The following ANKRD33B variants were observed in gnomAD, a reference collection of about 807,000 sequenced individuals.
ANKRD33B encodes the protein ankyrin repeat domain-containing protein 33B.
A neutral mutation model predicts 21.5 loss-of-function variants in ANKRD33B; 6 were observed. The observed-to-expected ratio is 0.28, with a 90% confidence interval of 0.15 to 0.55. The LOEUF (loss-of-function observed/expected upper bound fraction) is 0.55, where lower values mean the gene tolerates loss of function less well. Ranked by LOEUF, ANKRD33B falls within the 20% of genes least tolerant of loss-of-function variation. The pLI is 0.94. For missense variants in ANKRD33B, 698 were observed against 747.2 expected (o/e 0.93, Z 0.77); for synonymous variants, 347 against 342.4 (o/e 1.01, Z -0.15).
intron 1 of ANKRD33B, among the ~76,000 whole-genome samples, chr5:10,574,869 C>CGGATCATG (rs1735283011): frequency 2.2e-5 from 1 of 46,510 alleles, no homozygotes; most frequent in Non-Finnish European, 5.1e-5. Context: ...TGCTTAAGGC[C>CGGATCATG]AGGTGCTCAA....
At chr5:10,641,885 T>C (rs1358043581) in intron 3 of ANKRD33B, among the ~76,000 whole-genome samples, 1 of 152,182 alleles carries the variant, frequency 6.6e-6, no homozygotes, top group East Asian at 1.9e-4. Context: ...AAAAACGAGA[T>C]ATCAGTTTCA....
intron 3 of ANKRD33B, among the ~76,000 whole-genome samples, chr5:10,638,890 ACGTGGAGTTGTGTGGTAATGTTAGCG>A (rs1266855227): frequency 0.057 from 8,304 of 146,092 alleles, 1,955 homozygotes; most frequent in Non-Finnish European, 0.086. Flanking sequence ...TTAGCGGGTG[ACGTGGAGTTGTGTGGTAATGTTAGCG>A]GGTGACGCGG....
At chr5:10,628,461 C>T (rs1736631442) in intron 2 of ANKRD33B, among the ~76,000 whole-genome samples, 2 of 151,984 alleles carry the variant, frequency 1.3e-5, no homozygotes, top group Non-Finnish European at 2.9e-5. Flanking sequence ...GGATTACAGG[C>T]GTGAACCATT....
chr5:10,595,017 T>C (rs1735788589), intron 1 of ANKRD33B, among the ~76,000 whole-genome samples: 1 of 152,138 alleles, frequency 6.6e-6, no homozygotes, highest in Non-Finnish European at 1.5e-5. Context: ...CTATGGCAAG[T>C]AACTCAAGAG....
intron 1 of ANKRD33B, among the ~76,000 whole-genome samples, chr5:10,609,207 A>G (rs114384384): frequency 1.2e-3 from 187 of 152,350 alleles, no homozygotes; most frequent in Non-Finnish European, 2.1e-3. Flanking sequence ...AGTTAAATAC[A>G]ATATATTTAT....
At chr5:10,570,598 C>G (rs547321114) in intron 1 of ANKRD33B, among the ~76,000 whole-genome samples, 58 of 152,164 alleles carry the variant, frequency 3.8e-4, no homozygotes, top group Non-Finnish European at 7.6e-4. Flanking sequence ...CACTCTGTTG[C>G]CCAGGCTGGA....
intron 1 of ANKRD33B, among the ~76,000 whole-genome samples, chr5:10,592,450 TAAAAAAA>T (rs35660672): frequency 1.4e-5 from 1 of 69,112 alleles, no homozygotes; most frequent in African/African-American, 6.2e-5. Context: ...CCATCTCTAC[TAAAAAAA>T]AAAAAAAAAA....
At chr5:10,609,095 T>C (rs1051223935) in intron 1 of ANKRD33B, among the ~76,000 whole-genome samples, 1 of 152,238 alleles carries the variant, frequency 6.6e-6, no homozygotes, top group Admixed American at 6.5e-5. Flanking sequence ...AGGTGTGCCG[T>C]AAGTGTAAAA....
intron 2 of ANKRD33B, among the ~76,000 whole-genome samples, chr5:10,632,227 C>T (rs1377269875): frequency 1.3e-5 from 2 of 152,028 alleles, no homozygotes; most frequent in Non-Finnish European, 2.9e-5. Flanking sequence ...GACTTCCCTT[C>T]TGGTGGTTTC....
At chr5:10,605,520 T>G (rs1560971319) in intron 1 of ANKRD33B, among the ~76,000 whole-genome samples, 1 of 149,256 alleles carries the variant, frequency 6.7e-6, no homozygotes, top group Non-Finnish European at 1.5e-5. Context: ...TTTCTTTCTT[T>G]CCTTTTCTTC....
At chr5:10,620,569 T>C (rs2126584328) in intron 2 of ANKRD33B, among the ~76,000 whole-genome samples, 1 of 152,308 alleles carries the variant, frequency 6.6e-6, no homozygotes, top group Non-Finnish European at 1.5e-5. Flanking sequence ...CTGCCAGAGC[T>C]CTTTGTGCGT....
intron 3 of ANKRD33B, among the ~76,000 whole-genome samples, chr5:10,643,774 C>G (rs905907260): frequency 7.3e-6 from 1 of 137,698 alleles, no homozygotes; most frequent in Admixed American, 8.3e-5. Context: ...GAGCCGATAT[C>G]ATGCCACTGT....
At chr5:10,568,483 C>T (rs1735106689) in intron 1 of ANKRD33B, among the ~76,000 whole-genome samples, 1 of 152,238 alleles carries the variant, frequency 6.6e-6, no homozygotes, top group Admixed American at 6.5e-5. Flanking sequence ...GGCCCAAATA[C>T]ATGCTCAATT....
At chr5:10,643,646 C>T (rs1303246802) in intron 3 of ANKRD33B, among the ~76,000 whole-genome samples, 6 of 151,632 alleles carry the variant, frequency 4.0e-5, no homozygotes, top group Non-Finnish European at 7.4e-5. Flanking sequence ...TGAAATCCCG[C>T]CTCTACTGAA....
At chr5:10,572,886 C>T (rs1735229194) in intron 1 of ANKRD33B, among the ~76,000 whole-genome samples, 1 of 152,190 alleles carries the variant, frequency 6.6e-6, no homozygotes, top group Non-Finnish European at 1.5e-5. Context: ...ATCCCAGAAA[C>T]AGAGGCCAGA....
chr5:10,605,459 T>C (rs10055045), intron 1 of ANKRD33B, among the ~76,000 whole-genome samples: 61,413 of 151,898 alleles, frequency 0.4, 12,774 homozygotes, highest in Admixed American at 0.54. Context: ...GGACAGGGTC[T>C]GTGTTTTTGC....
chr5:10,625,575 A>G (rs1736527018), intron 2 of ANKRD33B, among the ~76,000 whole-genome samples: 1 of 152,244 alleles, frequency 6.6e-6, no homozygotes, highest in South Asian at 2.1e-4. Flanking sequence ...TGTGTGGCTC[A>G]TGCCCGGTTC....
chr5:10,638,634 A>C (rs1300261427), intron 3 of ANKRD33B, among the ~76,000 whole-genome samples: 1 of 152,010 alleles, frequency 6.6e-6, no homozygotes, highest in Non-Finnish European at 1.5e-5. Flanking sequence ...GTTGCATGTT[A>C]ATGTTGGGAT....
Position 10,591,079 on chromosome 5 carries a change from A to T in ANKRD33B, c.366+26246A>T, listed in dbSNP as rs529618017. ...ACACTGTTTTGCTGAGAAGGTTTAAATTTTTATACAGTCAGATGTATCTAT... is the reference window on the plus strand; with the variant it reads ...ACACTGTTTTGCTGAGAAGGTTTAATTTTTTATACAGTCAGATGTATCTAT... On this transcript the variant is annotated intron_variant, in intron 1 of 3. Coordinates refer to ENST00000296657, the MANE Select transcript of ANKRD33B (RefSeq NM_001164440.2). Among the ~76,000 whole-genome samples the T allele has an allele frequency of 1.1e-4, 16 of 151,768 alleles. No homozygotes were observed. In the South Asian group the frequency reaches 1.5e-3, roughly 14 times the overall value.
Sources: allele counts gnomAD v4.1 joint callset (sites outside exome capture counted in the v4.1 genomes callset), GRCh38; gene constraint gnomAD v4.1.1; transcripts MANE v1.5; gene names NCBI Gene and HGNC (gene_info 2026-07-23, HGNC 2026-07-21).